The following FBXO4 variants were observed in gnomAD, a reference collection of about 807,000 sequenced individuals.
FBXO4 encodes F-box protein 4, also known as F-box only protein 4.
A neutral mutation model predicts 43.7 loss-of-function variants in FBXO4; 36 were observed. The ratio of observed to expected loss-of-function variants is 0.82; its 90% confidence interval spans 0.63 to 1.09. FBXO4 has a LOEUF of 1.09. Among genes scored for constraint, FBXO4 ranks in the 50% least tolerant of loss-of-function variants. The pLI is 0.00. For missense variants in FBXO4, 435 were observed against 474.1 expected (o/e 0.92, Z 0.77); for synonymous variants, 180 against 165.6 (o/e 1.09, Z -0.67).
rs887966919 is a variant in FBXO4, at chr5:41,925,517, C to T, written c.189+19C>T. The T allele has an allele frequency of 7.7e-7, 1 of 1,305,170 alleles. No individual in the cohort carries two copies. The highest frequency in any genetic ancestry group is 9.8e-7 in the Non-Finnish European group (1 of 1,019,526). The allele number at this position is 1,305,170 out of a possible 1,614,324, so 80.8% of individuals were successfully genotyped here. On this transcript the variant is annotated intron_variant, in intron 1 of 6. Transcript: ENST00000281623. ...GCTGCCGGTGAGCGTCGGCCGCAGG[C>T]CGCGGAGGACAGTGGGGCCGGCCCG...
the FBXO4 span, among the ~76,000 whole-genome samples, chr5:42,001,337 C>A: frequency 6.6e-6 from 1 of 152,108 alleles, no homozygotes; most frequent in Non-Finnish European, 1.5e-5. Context: ...TCAAGTGATT[C>A]TCCTCTCTCA....
At chr5:42,003,855 C>T in the FBXO4 span, among the ~76,000 whole-genome samples, 1 of 152,090 alleles carries the variant, frequency 6.6e-6, no homozygotes, top group Non-Finnish European at 1.5e-5. Flanking sequence ...TACCATGTGA[C>T]CCAGCGATCC....
chr5:42,012,261 G>C, the FBXO4 span, among the ~76,000 whole-genome samples: 4 of 152,164 alleles, frequency 2.6e-5, no homozygotes, highest in African/African-American at 4.8e-5. Flanking sequence ...CCCTGAGAGA[G>C]GGCTAGAAAC....
the FBXO4 span, among the ~76,000 whole-genome samples, chr5:41,979,709 C>T: frequency 6.6e-6 from 1 of 152,260 alleles, no homozygotes; most frequent in South Asian, 2.1e-4. Context: ...TAGGATGTGT[C>T]CTTGGTTTTT....
At chr5:41,963,584 T>C in the FBXO4 span, among the ~76,000 whole-genome samples, 1 of 152,202 alleles carries the variant, frequency 6.6e-6, no homozygotes, top group East Asian at 1.9e-4. Flanking sequence ...TTTTGTCTTG[T>C]ATTCTTACAA....
the FBXO4 span, among the ~76,000 whole-genome samples, chr5:41,971,676 T>C: frequency 6.6e-6 from 1 of 152,012 alleles, no homozygotes; most frequent in Non-Finnish European, 1.5e-5. Context: ...ATAGGTAAAA[T>C]GTTTCTTTCT....
the FBXO4 span, among the ~76,000 whole-genome samples, chr5:42,021,478 C>A: frequency 1.3e-5 from 2 of 152,080 alleles, no homozygotes; most frequent in Non-Finnish European, 2.9e-5. Flanking sequence ...GGTATGGAAT[C>A]TACAATTCTG....
At chr5:42,018,742 G>GA in the FBXO4 span, among the ~76,000 whole-genome samples, 13 of 152,110 alleles carry the variant, frequency 8.5e-5, no homozygotes, top group Non-Finnish European at 1.5e-4. Context: ...AACAGAGAAA[G>GA]AAGTTTTTCT....
At chr5:42,027,168 A>G in the FBXO4 span, among the ~76,000 whole-genome samples, 3 of 151,908 alleles carry the variant, frequency 2.0e-5, no homozygotes, top group South Asian at 4.1e-4. Flanking sequence ...CAGTGAAACC[A>G]TTAGGTTCTG....
the FBXO4 span, among the ~76,000 whole-genome samples, chr5:41,948,167 C>T: frequency 4.9e-5 from 7 of 142,422 alleles, no homozygotes; most frequent in East Asian, 6.1e-4. Context: ...GATGGAGTCT[C>T]GCTCATCGCC....
the FBXO4 span, among the ~76,000 whole-genome samples, chr5:41,993,482 A>G: frequency 1.3e-5 from 2 of 151,984 alleles, no homozygotes; most frequent in Admixed American, 1.3e-4. Flanking sequence ...CAACTTTCTT[A>G]GCAAATTTCA....
the FBXO4 span, among the ~76,000 whole-genome samples, chr5:41,999,839 C>A: frequency 2.0e-4 from 30 of 151,934 alleles, 1 homozygote; most frequent in African/African-American, 7.2e-4. Context: ...TGTCTGCCTT[C>A]CCCATCCCAC....
the FBXO4 span, among the ~76,000 whole-genome samples, chr5:42,027,061 T>C: frequency 2.0e-5 from 3 of 151,928 alleles, no homozygotes; most frequent in African/African-American, 7.2e-5. Flanking sequence ...GCTGGCCTCA[T>C]AGAATGAGTT....
chr5:42,028,762 C>G, the FBXO4 span, among the ~76,000 whole-genome samples: 2 of 151,486 alleles, frequency 1.3e-5, no homozygotes, highest in South Asian at 4.2e-4. Flanking sequence ...TTATTTTAAC[C>G]TGATAACAAC....
the FBXO4 span, among the ~76,000 whole-genome samples, chr5:42,030,266 C>T: frequency 7.2e-5 from 11 of 152,104 alleles, no homozygotes; most frequent in South Asian, 2.1e-4. Flanking sequence ...GAGATATAGA[C>T]CAATGGAACA....
chr5:41,952,875 AT>A, the FBXO4 span, among the ~76,000 whole-genome samples: 1 of 151,824 alleles, frequency 6.6e-6, no homozygotes, highest in South Asian at 2.1e-4. Flanking sequence ...TCATTTTGTT[AT>A]TTTTAGTTTC....
the FBXO4 span, among the ~76,000 whole-genome samples, chr5:42,023,499 T>G: frequency 2.0e-5 from 3 of 152,054 alleles, no homozygotes; most frequent in Non-Finnish European, 4.4e-5. Flanking sequence ...GGGTACATGG[T>G]CTATAATAAG....
the FBXO4 span, among the ~76,000 whole-genome samples, chr5:41,966,745 T>G: frequency 6.6e-6 from 1 of 152,216 alleles, no homozygotes; most frequent in Non-Finnish European, 1.5e-5. Context: ...TCTGGTTTGA[T>G]GAGTTGAACT....
intron 3 of FBXO4, among the ~76,000 whole-genome samples, chr5:41,933,195 A>T (rs1468459601): frequency 6.6e-6 from 1 of 152,138 alleles, no homozygotes; most frequent in Non-Finnish European, 1.5e-5. Context: ...TCAATTTACT[A>T]ATGTTCTCTT....
Sources: gnomAD v4.1 joint callset for allele counts (sites outside exome capture counted in the v4.1 genomes callset) on GRCh38, gnomAD v4.1.1 for gene constraint, MANE v1.5 for transcripts, NCBI Gene and HGNC (gene_info 2026-07-23, HGNC 2026-07-21) for gene names.